TSC2: variants seen among roughly 807,000 people sequenced by gnomAD.
The protein encoded by TSC2 is tuberin.
TSC2 carries 29 observed loss-of-function variants against 202.2 expected under a neutral mutation model. The ratio of observed to expected loss-of-function variants is 0.14; its 90% CI spans 0.11 to 0.20. The LOEUF is 0.20. Among genes scored for constraint, TSC2 ranks in the 10% least tolerant of loss-of-function variants. The pLI, the probability that TSC2 is intolerant of heterozygous loss-of-function variation, is 1.00. For synonymous variants in TSC2, 1,349 were observed against 1,044.0 expected (o/e 1.29, Z -5.63); for missense variants, 2,429 against 2,420.0 (o/e 1.00, Z -0.08).
At chr16:2,053,756 G>A (rs1283857722) in intron 4 of TSC2, 1 of 572,516 alleles carries the variant, frequency 1.7e-6, no homozygotes, top group Admixed American at 2.2e-5. Flanking sequence ...CTGGTGTGGG[G>A]CTACGGTGTT....
intron 10 of TSC2, among the ~76,000 whole-genome samples, chr16:2,059,663 G>A (rs962375287): frequency 6.6e-6 from 1 of 152,048 alleles, no homozygotes; most frequent in African/African-American, 2.4e-5. Flanking sequence ...GGGATTATAG[G>A]CATGGGCCAC....
chr16:2,081,623 G>A lies in TSC2; in HGVS notation c.3639G>A (p.Glu1213=), dbSNP rs747862818. Reference sequence around the variant, plus strand: ...ACACCAGCTGGCTGATGAGCCTGGAGAACCCGCTCAGCCCTTTCTCCTCGG... The same window carrying A: ...ACACCAGCTGGCTGATGAGCCTGGAAAACCCGCTCAGCCCTTTCTCCTCGG... ...TGNTSWLMSL[E]NPLSPFSSDI... Residue 1213 remains glutamate (E), a synonymous_variant, in exon 31 of 42, where the codon GAG becomes GAA. Coordinates refer to ENST00000219476, the MANE Select transcript of TSC2 (RefSeq NM_000548.5). 3.7e-6 allele frequency: 6 copies of A among 1,612,788 alleles called. No homozygotes were observed. Among genetic ancestry groups the A allele is most frequent in the Non-Finnish European group, 5.1e-6 (6 of 1,180,010 alleles).
intron 3 of TSC2, among the ~76,000 whole-genome samples, chr16:2,051,469 G>A (rs1484348684): frequency 6.6e-6 from 1 of 152,154 alleles, no homozygotes; most frequent in East Asian, 1.9e-4. Context: ...TGCCATTTTG[G>A]GAGGGTGACT....
At position 2,048,154 on chromosome 16, in the gene TSC2, C is replaced by G. The variant is rs1429290768; in HGVS notation, c.-30+89C>G. 3.9e-6 allele frequency: 6 copies of G among 1,534,518 alleles called. No individual in the cohort carries two copies. In the East Asian group the frequency reaches 7.4e-5, roughly 19 times the overall value. On this transcript the variant is annotated intron_variant, in intron 1 of 41. Coordinates refer to ENST00000219476, the MANE Select transcript of TSC2 (RefSeq NM_000548.5). ...CCCCGCAGTGTCCGGGTCCCGGGCC[C>G]TCACCCGCGCCCACTGCAACCCGAC...
intron 15 of TSC2, chr16:2,065,184 C>G: frequency 3.7e-6 from 1 of 271,180 alleles, no homozygotes; most frequent in Non-Finnish European, 7.2e-6. Flanking sequence ...GAGGCCAAGG[C>G]AGGCGGATCA....
intron 38 of TSC2, chr16:2,087,111 G>A (rs1031783802): frequency 1.6e-6 from 1 of 609,072 alleles, no homozygotes; most frequent in African/African-American, 1.8e-5. Flanking sequence ...TGCAGACTGG[G>A]TGTGCTGGGT....
chr16:2,061,937 G>A lies in TSC2; in HGVS notation c.1186G>A (p.Asp396Asn), dbSNP rs1596303501. The A allele has an allele frequency of 1.2e-6, 2 of 1,614,076 alleles. No individual in the cohort carries two copies. Among genetic ancestry groups the A allele is most frequent in the African/African-American group, 1.3e-5 (1 of 74,936 alleles). The change falls in exon 12 of 42, where the codon GAC becomes AAC. Residue 396 changes from aspartate (D) to asparagine (N), a missense_variant. Coordinates refer to ENST00000219476, the MANE Select transcript of TSC2 (RefSeq NM_000548.5). ...DLLTTVEELCDQNEFHGSQER... is the reference protein window; with the variant it reads ...DLLTTVEELCNQNEFHGSQER... ...GTTGACCACGGTGGAGGAGCTGTGTGACCAGAACGAGTTCCACGGGTCTCA... is the reference window on the plus strand; with the variant it reads ...GTTGACCACGGTGGAGGAGCTGTGTAACCAGAACGAGTTCCACGGGTCTCA...
At chr16:2,073,125 G>T in intron 21 of TSC2, 142 bp downstream of exon 21, 1 of 1,359,514 alleles carries the variant, frequency 7.4e-7, no homozygotes, top group East Asian at 2.5e-5. Context: ...CTGGGTGGCT[G>T]CCAGATGCCC....
chr16:2,073,008 G>A lies in TSC2; in HGVS notation c.2355+25G>A, dbSNP rs201201129. 99 of 1,613,012 alleles carry A rather than the reference G, an allele frequency of 6.1e-5. No homozygotes were observed. The East Asian group carries it at 9.6e-4, about 16-fold the overall frequency. ...GGTAGGAGGTCAGAGCAGGACAGGC[G>A]AGCTTGATGGGGCCTGGGATTCGAG... On this transcript the variant is annotated intron_variant, in intron 21 of 41. Transcript: ENST00000219476.
chr16:2,088,787 A>C lies in TSC2; in HGVS notation c.*177A>C, dbSNP rs1376991469. 2.3e-6 allele frequency: 2 copies of C among 857,268 alleles called. No homozygotes were observed. Among genetic ancestry groups the C allele is most frequent in the South Asian group, 1.8e-5 (1 of 56,848 alleles). 53.1% of individuals were successfully genotyped at this position (857,268 alleles called of 1,614,324 possible). On this transcript the variant is annotated 3_prime_UTR_variant, in exon 42 of 42. Coordinates refer to ENST00000219476, the MANE Select transcript of TSC2 (RefSeq NM_000548.5). The stretch of plus-strand genomic sequence containing the variant: ...GGGTGTCGAGGCTCTAGAAGCGGCC[A>C]TGCCCACAGAAGTGGTACACAGAAG...
chr16:2,086,147 C>T (rs2151567463), intron 36 of TSC2, 46 bp from the exon 37 acceptor site: 1 of 1,609,506 alleles, frequency 6.2e-7, no homozygotes, highest in Non-Finnish European at 8.5e-7. Flanking sequence ...CGGGGCAGGG[C>T]CCGGCCCGGG....
rs777489742 is a variant in TSC2 at position 2,081,717 on chromosome 16, C to G, written c.3733C>G (p.Arg1245Gly). 6.2e-7 allele frequency: 1 copy of G among 1,612,966 alleles called. No homozygotes were observed. Among genetic ancestry groups the G allele is most frequent in the Non-Finnish European group, 8.5e-7 (1 of 1,180,010 alleles). Residue 1245 changes from arginine to glycine, a missense_variant, in exon 31 of 42, where the codon CGG (arginine) becomes GGG (glycine). Transcript: ENST00000219476. ...LMAAERFKEH[R>G]DTALYKSLSV... ...GGCGGCTGAGCGCTTCAAGGAGCAC[C>G]GGGACACAGCCCTGTACAAGTCACT...
chr16:2,069,014 C>G (rs544076150), intron 16 of TSC2, among the ~76,000 whole-genome samples: 18 of 152,140 alleles, frequency 1.2e-4, no homozygotes, highest in African/African-American at 4.3e-4. Flanking sequence ...GACACATGGT[C>G]TTGCTCTCTC....
chr16:2,063,558 G>A (rs2086899102), intron 14 of TSC2: 1 of 254,978 alleles, frequency 3.9e-6, no homozygotes, highest in African/African-American at 2.2e-5. Flanking sequence ...TTTCCCAGGA[G>A]GCGCAGCTTA....
Position 2,074,084 on chromosome 16 carries a change from C to T in TSC2, c.2356-116C>T, listed in dbSNP as rs544011639. On this transcript the variant is annotated intron_variant, in intron 21 of 41. Transcript: ENST00000219476. ...CTGCTGGCTCTGCCCCACAGGCATTCAGGGACTTGCTAAGCCTCGGCTGTT... is the reference window on the plus strand; with the variant it reads ...CTGCTGGCTCTGCCCCACAGGCATTTAGGGACTTGCTAAGCCTCGGCTGTT... 6.6e-6 allele frequency: 9 copies of T among 1,358,800 alleles called. No homozygotes were observed. In the East Asian group the frequency reaches 2.2e-4, roughly 33 times the overall value. 84.2% of individuals were successfully genotyped at this position (1,358,800 alleles called of 1,614,324 possible).
chr16:2,088,880 C>T lies in TSC2; in HGVS notation c.*270C>T, dbSNP rs562044040. The T allele has an allele frequency of 7.6e-4, 358 of 474,110 alleles. 2 individuals carry two copies. The highest frequency in any genetic ancestry group is 3.0e-3 in the South Asian group (140 of 46,980). The allele number at this position is 474,110 out of a possible 1,614,324, so 29.4% of individuals were successfully genotyped here. A position where few individuals can be genotyped will look rare whatever the true frequency, so the allele number is the denominator to read the frequency against. Reference sequence around the variant, plus strand: ...TACAGCACACTCGCGCGTGCGCGCGCGCACACACACACACACACAGTCACC... The same window carrying T: ...TACAGCACACTCGCGCGTGCGCGCGTGCACACACACACACACACAGTCACC... On this transcript the variant is annotated 3_prime_UTR_variant, in exon 42 of 42. Coordinates refer to ENST00000219476, the MANE Select transcript of TSC2 (RefSeq NM_000548.5).
chr16:2,070,176 C>T (rs1180704622), intron 16 of TSC2, among the ~76,000 whole-genome samples: 1 of 152,192 alleles, frequency 6.6e-6, no homozygotes, highest in Non-Finnish European at 1.5e-5. Flanking sequence ...ACACTCCCCG[C>T]CCCATTCTGC....
chr16:2,074,160 C>T (rs1407511465), intron 21 of TSC2, 40 bp from the exon 22 acceptor site: 4 of 1,608,532 alleles, frequency 2.5e-6, no homozygotes, highest in Non-Finnish European at 3.4e-6. Context: ...GCTGCCTCTG[C>T]TGCAAGCGGG....
chr16:2,076,395 C>T (rs1297402445), intron 24 of TSC2, 96 bp from the exon 25 acceptor site: 5 of 1,587,484 alleles, frequency 3.1e-6, no homozygotes, highest in South Asian at 1.1e-5. Flanking sequence ...CCCTAGCCTG[C>T]AGCTTGTCCC....
Sources: gnomAD v4.1 joint callset for allele counts (sites outside exome capture counted in the v4.1 genomes callset) on GRCh38, gnomAD v4.1.1 for gene constraint, MANE v1.5 for transcripts, NCBI Gene and HGNC (gene_info 2026-07-23, HGNC 2026-07-21) for gene names.